The following TBXAS1 variants were observed in gnomAD, a reference collection of about 807,000 sequenced individuals.
The protein encoded by TBXAS1 is thromboxane-A synthase.
In TBXAS1, 48 loss-of-function variants were observed where a neutral mutation model predicts 60.7. The ratio of observed to expected loss-of-function variants is 0.79; its 90% CI spans 0.63 to 1.01. TBXAS1 has a LOEUF of 1.01. Ranked by LOEUF, TBXAS1 falls within the 50% of genes least tolerant of loss-of-function variation. The pLI is 0.00. For synonymous variants in TBXAS1, 287 were observed against 269.7 expected (o/e 1.06, Z -0.63); for missense variants, 685 against 686.3 (o/e 1.00, Z 0.02).
upstream of TBXAS1, among the ~76,000 whole-genome samples, chr7:139,827,802 C>T (rs1798484594): frequency 1.3e-5 from 2 of 152,342 alleles, no homozygotes; most frequent in South Asian, 4.1e-4. Flanking sequence ...AGCCGGAAGA[C>T]AGGGCCCCAA....
At chr7:139,919,039 A>G (rs569250504) in intron 4 of TBXAS1, among the ~76,000 whole-genome samples, 11 of 152,320 alleles carry the variant, frequency 7.2e-5, no homozygotes, top group Non-Finnish European at 1.2e-4. Context: ...TCAAACCACC[A>G]AAATATAAGC....
At chr7:139,923,533 C>T (rs1433051622) in intron 4 of TBXAS1, among the ~76,000 whole-genome samples, 2 of 151,370 alleles carry the variant, frequency 1.3e-5, no homozygotes, top group Admixed American at 6.6e-5. Flanking sequence ...ATCATGCATG[C>T]ATGATACATG....
At position 139,801,495 on chromosome 7, in the gene TBXAS1, G is replaced by C. The variant is rs1797723062; in HGVS notation, c.-80+14069G>C. On this transcript the variant is annotated intron_variant, in intron 4 of 16. Transcript: ENST00000336425. ...CTTTTTTTTTCTTTTTTGTGAGGCA[G>C]GTTCTTGCTCTGTCACCCAGGCTGG... Among the ~76,000 whole-genome samples the C allele has an allele frequency of 2.7e-5, 4 of 150,030 alleles. No homozygotes were observed. The South Asian group carries it at 8.4e-4, about 31-fold the overall frequency.
At chr7:139,990,416 G>C (rs999003073) in intron 9 of TBXAS1, among the ~76,000 whole-genome samples, 3 of 152,188 alleles carry the variant, frequency 2.0e-5, no homozygotes, top group Non-Finnish European at 4.4e-5. Flanking sequence ...CTGGCGGAAG[G>C]GGCAGCCTCA....
At chr7:139,803,677 C>T (rs1455423713) in intron 4 of TBXAS1, among the ~76,000 whole-genome samples, 3 of 152,160 alleles carry the variant, frequency 2.0e-5, no homozygotes, top group East Asian at 1.9e-4. Flanking sequence ...CCACTGTGTG[C>T]AGCCTAGGAA....
rs375292466 is a variant in TBXAS1, at chr7:139,961,691, C to A, written c.820-228C>A. 1.0e-3 allele frequency among the ~76,000 whole-genome samples: 156 copies of A among 152,302 alleles called. No individual in the cohort carries two copies. The Middle Eastern group carries it at 0.031, about 30-fold the overall frequency. ...CTCTGCCTTGCTCAGGGCAGCAGCC[C>A]AGGCTGCTCTTCACTGCCCCAGAAC... On this transcript the variant is annotated intron_variant, in intron 8 of 12. Coordinates refer to ENST00000448866, the MANE Select transcript of TBXAS1 (RefSeq NM_001061.7).
At chr7:139,982,266 CTG>C (rs1484695661) in intron 9 of TBXAS1, among the ~76,000 whole-genome samples, 5 of 152,216 alleles carry the variant, frequency 3.3e-5, no homozygotes, top group Middle Eastern at 3.2e-3. Context: ...TCAGGCAACT[CTG>C]TATTTCATAA....
intron 1 of TBXAS1, among the ~76,000 whole-genome samples, chr7:139,848,921 C>T (rs1271057086): frequency 1.3e-5 from 2 of 152,044 alleles, no homozygotes; most frequent in Non-Finnish European, 2.9e-5. Context: ...GATTACACAG[C>T]TGGATTCTGA....
chr7:139,855,401 C>A (rs1252395074), intron 1 of TBXAS1, among the ~76,000 whole-genome samples: 1 of 151,910 alleles, frequency 6.6e-6, no homozygotes, highest in Non-Finnish European at 1.5e-5. Context: ...TGAGTTGAAG[C>A]CTGAAGTGTG....
intron 1 of TBXAS1, among the ~76,000 whole-genome samples, chr7:139,779,029 C>A (rs1456162338): frequency 6.6e-6 from 1 of 152,154 alleles, no homozygotes; most frequent in Non-Finnish European, 1.5e-5. Flanking sequence ...GAGTCCATTG[C>A]CCTTAGTAAG....
In TBXAS1 at chr7:139,952,954, G is replaced by A. The variant is rs190415540; in HGVS notation, c.451-414G>A. 1.1e-4 allele frequency among the ~76,000 whole-genome samples: 16 copies of A among 152,238 alleles called. No individual in the cohort carries two copies. In the East Asian group the frequency reaches 1.7e-3, roughly 17 times the overall value. On this transcript the variant is annotated intron_variant, in intron 5 of 12. Coordinates refer to ENST00000448866, the MANE Select transcript of TBXAS1 (RefSeq NM_001061.7). ...CTAGTGAAAGATCTAAAATACAATC[G>A]GAATACACAAGCATAGACTTGGGTT...
intron 1 of TBXAS1, among the ~76,000 whole-genome samples, chr7:139,858,991 C>CCTGAGTAGCTGGGATTA (rs2116703920): frequency 6.6e-6 from 1 of 152,246 alleles, no homozygotes; most frequent in South Asian, 2.1e-4. Context: ...GCCTCAGCCT[C>CCTGAGTAGCTGGGATTA]CTGAGTAGCT....
chr7:139,940,768 G>T (rs4725560), intron 5 of TBXAS1, among the ~76,000 whole-genome samples: 120,256 of 152,108 alleles, frequency 0.79, 47,835 homozygotes, highest in African/African-American at 0.88. Context: ...TTTTCTTTAT[G>T]GTTAACTGCA....
At chr7:139,808,206 T>C (rs1053119227) in intron 4 of TBXAS1, among the ~76,000 whole-genome samples, 1 of 149,844 alleles carries the variant, frequency 6.7e-6, no homozygotes, top group Admixed American at 6.7e-5. Context: ...GATGTGGTGG[T>C]GCATGCCTGT....
intron 3 of TBXAS1, among the ~76,000 whole-genome samples, chr7:139,902,139 T>C (rs1326092449): frequency 6.6e-6 from 1 of 151,836 alleles, no homozygotes; most frequent in Non-Finnish European, 1.5e-5. Flanking sequence ...CTCGTGTGTG[T>C]GTGTGTGTGT....
intron 9 of TBXAS1, among the ~76,000 whole-genome samples, chr7:139,997,965 G>T (rs753715311): frequency 2.0e-5 from 3 of 152,130 alleles, no homozygotes; most frequent in Non-Finnish European, 4.4e-5. Flanking sequence ...CCCAACCTGG[G>T]AACAACTCAA....
intron 9 of TBXAS1, among the ~76,000 whole-genome samples, chr7:139,983,328 A>G (rs1245433487): frequency 6.6e-6 from 1 of 152,248 alleles, no homozygotes; most frequent in Non-Finnish European, 1.5e-5. Flanking sequence ...ACATAGAAAC[A>G]TAAAAACATA....
Position 139,805,140 on chromosome 7 carries a change from C to T in TBXAS1, c.-80+17714C>T, listed in dbSNP as rs771816405. Among the ~76,000 whole-genome samples the T allele has an allele frequency of 2.0e-5, 3 of 152,256 alleles. No individual in the cohort carries two copies. The East Asian group carries it at 5.8e-4, about 29-fold the overall frequency. ...GGGGTGTCCTAACAGCAATCCTGATCACAGCCATCAGTGGCGCTAGCCAGG... is the reference window on the plus strand; with the variant it reads ...GGGGTGTCCTAACAGCAATCCTGATTACAGCCATCAGTGGCGCTAGCCAGG... On this transcript the variant is annotated intron_variant, in intron 4 of 16. Coordinates refer to the TBXAS1 transcript ENST00000336425.
At chr7:139,841,607 T>G (rs1799454128) in intron 1 of TBXAS1, among the ~76,000 whole-genome samples, 1 of 146,264 alleles carries the variant, frequency 6.8e-6, no homozygotes, top group Non-Finnish European at 1.5e-5. Flanking sequence ...GTGGCTTCCT[T>G]GAGGACCATT....
Sources: allele counts gnomAD v4.1 joint callset (sites outside exome capture counted in the v4.1 genomes callset), GRCh38; gene constraint gnomAD v4.1.1; transcripts MANE v1.5; gene names NCBI Gene and HGNC (gene_info 2026-07-23, HGNC 2026-07-21).